The following DCBLD1 variants were observed in gnomAD, a reference collection of about 807,000 sequenced individuals.
The protein encoded by DCBLD1 is discoidin, CUB and LCCL domain containing 1, also known as discoidin, CUB and LCCL domain-containing protein 1.
A neutral mutation model predicts 71.5 loss-of-function variants in DCBLD1; 57 were observed. The ratio of observed to expected loss-of-function variants is 0.80; its 90% CI spans 0.64 to 0.99. DCBLD1 has a LOEUF of 0.99. Ranked by LOEUF, DCBLD1 falls within the 50% of genes least tolerant of loss-of-function variation. The pLI is 0.00. For missense variants in DCBLD1, 891 were observed against 923.5 expected, an observed-to-expected ratio of 0.96 and a Z score of 0.46; for synonymous variants, 380 against 363.8, an observed-to-expected ratio of 1.04 and a Z score of -0.51.
intron 1 of DCBLD1, chr6:117,494,839 T>A (rs1582966992): frequency 6.6e-6 from 1 of 152,210 alleles, no homozygotes; most frequent in African/African-American, 2.4e-5. Flanking sequence ...TGTGTCCCAC[T>A]TGTGAGAGTC....
At chr6:117,542,903 G>A (rs1779146534) in intron 11 of DCBLD1, among the ~76,000 whole-genome samples, 1 of 152,164 alleles carries the variant, frequency 6.6e-6, no homozygotes, top group African/African-American at 2.4e-5. Context: ...ATTGGAAACT[G>A]TCTCTGGGGG....
At chr6:117,525,556 T>TACAACCAG in intron 5 of DCBLD1, 122 bp downstream of exon 5, 1 of 644,594 alleles carries the variant, frequency 1.6e-6, no homozygotes, top group Admixed American at 3.4e-5. Flanking sequence ...CATGAGTCTC[T>TACAACCAG]CTCCTCTGAG....
chr6:117,542,666 T>G (rs1022812872), intron 11 of DCBLD1, among the ~76,000 whole-genome samples: 1 of 152,136 alleles, frequency 6.6e-6, no homozygotes, highest in Non-Finnish European at 1.5e-5. Context: ...AGGATCCCAG[T>G]TTTCCAGACT....
intron 1 of DCBLD1, among the ~76,000 whole-genome samples, chr6:117,496,108 A>G (rs1191308706): frequency 6.6e-6 from 1 of 152,212 alleles, no homozygotes; most frequent in African/African-American, 2.4e-5. Context: ...CTGAGTCAAC[A>G]GCATTATCAT....
At chr6:117,499,900 C>A (rs528172043) in intron 1 of DCBLD1, among the ~76,000 whole-genome samples, 1 of 152,158 alleles carries the variant, frequency 6.6e-6, no homozygotes, top group Non-Finnish European at 1.5e-5. Flanking sequence ...TGCCTGTAAT[C>A]GCAGCTACTC....
chr6:117,511,037 G>C (rs576033162), intron 2 of DCBLD1, among the ~76,000 whole-genome samples: 1 of 152,092 alleles, frequency 6.6e-6, no homozygotes, highest in Non-Finnish European at 1.5e-5. Context: ...ATCACTTAGC[G>C]GGACCTGGGA....
chr6:117,482,765 T>A lies in DCBLD1; in HGVS notation c.-17T>A. On this transcript the variant is annotated 5_prime_UTR_variant, in exon 1 of 15. Transcript: ENST00000338728. Reference sequence around the variant, plus strand: ...CGAGGGGAGGCCGAGCTTGCCAAGCTGGCGCCCAGCGGGGTCATGGTGCCC... The same window carrying A: ...CGAGGGGAGGCCGAGCTTGCCAAGCAGGCGCCCAGCGGGGTCATGGTGCCC... 1 of 1,131,424 alleles carries A rather than the reference T, an allele frequency of 8.8e-7. No homozygotes were observed. The highest frequency in any genetic ancestry group is 1.1e-6 in the Non-Finnish European group (1 of 924,066). 70.1% of individuals were successfully genotyped at this position (1,131,424 alleles called of 1,614,324 possible).
chr6:117,488,302 G>A (rs1777159807), intron 1 of DCBLD1, among the ~76,000 whole-genome samples: 1 of 152,192 alleles, frequency 6.6e-6, no homozygotes, highest in Admixed American at 6.5e-5. Context: ...AACAGAAATT[G>A]TATATATGAC....
chr6:117,506,361 A>G (rs955147355), intron 2 of DCBLD1, among the ~76,000 whole-genome samples: 2 of 152,192 alleles, frequency 1.3e-5, no homozygotes, highest in African/African-American at 4.8e-5. Context: ...ATCACCAAAA[A>G]AACCACATTG....
At chr6:117,564,266 A>G (rs775127544) in intron 14 of DCBLD1, among the ~76,000 whole-genome samples, 2 of 152,164 alleles carry the variant, frequency 1.3e-5, no homozygotes, top group African/African-American at 4.8e-5. Flanking sequence ...ATGAGCCACC[A>G]TCAAGCTGTC....
chr6:117,498,562 C>G (rs1348500442), intron 1 of DCBLD1, among the ~76,000 whole-genome samples: 1 of 152,134 alleles, frequency 6.6e-6, no homozygotes, highest in Admixed American at 6.5e-5. Context: ...CCCGGCCTAT[C>G]CTCCCCACAA....
In DCBLD1 at chr6:117,544,549, G is replaced by T; in HGVS notation, c.1467G>T (p.Pro489=). ...ATAGGAAGAAGAAGAAAGGAAGTCC[G>T]TATGGATCAGCAGAGGCTCAGAAAA... The part of the protein sequence containing the change: ...AFRKKKKKGS[P]YGSAEAQKTD... Residue 489 remains proline, a synonymous_variant, in exon 13 of 15, where the codon CCG becomes CCT. Transcript: ENST00000338728. The T allele has an allele frequency of 1.2e-6, 2 of 1,613,906 alleles. No homozygotes were observed. Among genetic ancestry groups the T allele is most frequent in the Non-Finnish European group, 1.7e-6 (2 of 1,179,960 alleles).
At position 117,540,993 on chromosome 6, in the gene DCBLD1, C is replaced by A. The variant is rs373380846; in HGVS notation, c.1325C>A (p.Thr442Lys). Residue 442 changes from threonine (T) to lysine (K), a missense_variant, in exon 11 of 15, where the codon ACA becomes AAA. Coordinates refer to ENST00000338728, the MANE Select transcript of DCBLD1 (RefSeq NM_001366458.2). ...ACTAAGAAAGAAGATGAGACAATCA[C>A]AAGGCCCATCCCCTCGGAAGAAACA... ...VSTKKEDETI[T>K]RPIPSEETST... 11 of 1,614,090 alleles carry A rather than the reference C, an allele frequency of 6.8e-6. No homozygotes were observed. The highest frequency in any genetic ancestry group is 5.3e-5 in the African/African-American group (4 of 74,926).
rs1779239663 is a variant in DCBLD1, at chr6:117,545,572, A to G, written c.1590A>G (p.Leu530=). ...YDNEKEMTQK[L]DLITSDMADY... ...ATGAGAAGGAGATGACACAAAAGTT[A>G]GATCTCATCACAAGTGATATGGCAG... The change falls in exon 14 of 15, where the codon TTA becomes TTG. Residue 530 remains leucine (L), a synonymous_variant. Coordinates refer to ENST00000338728, the MANE Select transcript of DCBLD1 (RefSeq NM_001366458.2). The G allele has an allele frequency of 6.2e-7, 1 of 1,614,156 alleles. No individual in the cohort carries two copies.
intron 12 of DCBLD1, chr6:117,544,296 A>G (rs918098926): frequency 3.0e-5 from 13 of 432,492 alleles, no homozygotes; most frequent in Non-Finnish European, 5.2e-5. Context: ...GCAAAATAAG[A>G]TTAGTATATA....
At position 117,569,538 on chromosome 6, in the gene DCBLD1, T is replaced by C. The variant is rs371707338; in HGVS notation, c.1616-82T>C. ...GTTCAATAGATTCATAACCAATTGA[T>C]AGATCCAGTTCTAATTACATGAAGG... On this transcript the variant is annotated intron_variant, in intron 14 of 14. Coordinates refer to the DCBLD1 transcript ENST00000296955. The C allele has an allele frequency of 1.6e-5, 25 of 1,605,756 alleles. No individual in the cohort carries two copies. In the African/African-American group the frequency reaches 2.7e-4, roughly 17 times the overall value.
chr6:117,532,526 G>T, intron 6 of DCBLD1, 133 bp downstream of exon 6: 1 of 1,174,318 alleles, frequency 8.5e-7, no homozygotes, highest in African/African-American at 1.6e-5. Context: ...ATATGCATGA[G>T]TGCTTAGAGC....
At chr6:117,560,844 C>T (rs896189363) in intron 14 of DCBLD1, 6 of 214,198 alleles carry the variant, frequency 2.8e-5, no homozygotes, top group Non-Finnish European at 5.6e-5. Flanking sequence ...GTCCCCTTCT[C>T]GATGAAATGG....
chr6:117,519,016 CTT>C (rs1424833025), intron 2 of DCBLD1, among the ~76,000 whole-genome samples: 1 of 152,190 alleles, frequency 6.6e-6, no homozygotes, highest in Non-Finnish European at 1.5e-5. Flanking sequence ...TAATACCTCT[CTT>C]CAAAATTTGC....
Sources: gnomAD v4.1 joint callset for allele counts (sites outside exome capture counted in the v4.1 genomes callset) on GRCh38, gnomAD v4.1.1 for gene constraint, MANE v1.5 for transcripts, NCBI Gene and HGNC (gene_info 2026-07-23, HGNC 2026-07-21) for gene names.